KCNK9: variants seen among roughly 807,000 people sequenced by gnomAD.
KCNK9 encodes the protein potassium channel subfamily K member 9.
A neutral mutation model predicts 10.8 loss-of-function variants in KCNK9; 1 was observed. The ratio of observed to expected loss-of-function variants is 0.09; its 90% CI spans 0.03 to 0.44. KCNK9 has a LOEUF of 0.44. Among genes scored for constraint, KCNK9 ranks in the 20% least tolerant of loss-of-function variants. KCNK9 has a pLI of 0.97. For synonymous variants in KCNK9, 231 were observed against 222.7 expected (o/e 1.04, Z -0.33); for missense variants, 303 against 515.0 (o/e 0.59, Z 3.98).
intron 1 of KCNK9, among the ~76,000 whole-genome samples, chr8:139,637,759 C>CA: frequency 2.1e-5 from 1 of 47,822 alleles, no homozygotes; most frequent in East Asian, 4.3e-4. Flanking sequence ...TATTCCTACT[C>CA]TACACACACA....
intron 2 of KCNK9, among the ~76,000 whole-genome samples, chr8:139,606,526 G>T (rs960208666): frequency 2.6e-5 from 4 of 152,182 alleles, no homozygotes; most frequent in Non-Finnish European, 5.9e-5. Context: ...ATTTTGATGG[G>T]TGTGAGTTTG....
intron 1 of KCNK9, among the ~76,000 whole-genome samples, chr8:139,626,555 C>G (rs1398275539): frequency 6.6e-6 from 1 of 152,126 alleles, no homozygotes; most frequent in Admixed American, 6.5e-5. Flanking sequence ...CACCTCCCTC[C>G]CTGGGCCTCT....
intron 1 of KCNK9, among the ~76,000 whole-genome samples, chr8:139,697,998 G>A (rs73725179): frequency 0.01 from 1,526 of 152,276 alleles, 28 homozygotes; most frequent in African/African-American, 0.035. Flanking sequence ...ACCCCATGGC[G>A]CCCTAGTAGG....
chr8:139,618,740 G>C lies in KCNK9; in HGVS notation c.643C>G (p.Gln215Glu). 3 of 1,614,196 alleles carry C rather than the reference G, an allele frequency of 1.9e-6. No homozygotes were observed. The highest frequency in any genetic ancestry group is 2.5e-6 in the Non-Finnish European group (3 of 1,180,026). Reference sequence around the variant, plus strand: ...AAGGCCACGTAGAGCGGCTTCTTCTGCAGGGCACCCTTGGTCTGCAGGGCC... The same window carrying C: ...AAGGCCACGTAGAGCGGCTTCTTCTCCAGGGCACCCTTGGTCTGCAGGGCC... ...YVALQTKGAL[Q>E]KKPLYVAFSF... Residue 215 changes from glutamine to glutamate, a missense_variant, in exon 2 of 2, where the codon CAG (glutamine) becomes GAG (glutamate). Physicochemically the swap from Gln to Glu is conservative, Grantham distance 29. Coordinates refer to ENST00000520439, the MANE Select transcript of KCNK9 (RefSeq NM_001282534.2). The surrounding 1 kb of genome is among the most constrained non-coding windows in gnomAD (Gnocchi z 7.9).
Position 139,702,003 on chromosome 8 carries a change from G to C in KCNK9, c.283+707C>G, listed in dbSNP as rs1817230673. ...TCCCAGTGTCACAGCCTAGGGAGTG[G>C]GCAGGTTCTGCCCTGCCCCCACTCT... On this transcript the variant is annotated intron_variant, in intron 1 of 1. Coordinates refer to ENST00000520439, the MANE Select transcript of KCNK9 (RefSeq NM_001282534.2). This position sits in a 1 kb window ranked among gnomAD's most constrained non-coding sequence, Gnocchi z 7.5. Among the ~76,000 whole-genome samples, 2 of 152,234 alleles carry C rather than the reference G, an allele frequency of 1.3e-5. No homozygotes were observed. The highest frequency in any genetic ancestry group is 3.9e-4 in the East Asian group (2 of 5,162).
chr8:139,629,536 C>T (rs1815095216), intron 1 of KCNK9, among the ~76,000 whole-genome samples: 2 of 152,210 alleles, frequency 1.3e-5, no homozygotes, highest in African/African-American at 4.8e-5. Flanking sequence ...AGATGCAGTC[C>T]TGACGGGCAT....
intron 1 of KCNK9, among the ~76,000 whole-genome samples, chr8:139,686,049 T>C (rs1042624625): frequency 6.6e-6 from 1 of 152,246 alleles, no homozygotes; most frequent in Non-Finnish European, 1.5e-5. Context: ...ATGAGAAAAC[T>C]GGCTAGCCAT....
intron 1 of KCNK9, among the ~76,000 whole-genome samples, chr8:139,643,596 G>A (rs565331617): frequency 3.3e-5 from 5 of 152,292 alleles, no homozygotes; most frequent in South Asian, 4.1e-4. Flanking sequence ...CCATGATGCC[G>A]GCCCTCAGCA....
At chr8:139,666,518 A>G (rs1450859138) in intron 1 of KCNK9, among the ~76,000 whole-genome samples, 3 of 152,190 alleles carry the variant, frequency 2.0e-5, no homozygotes, top group Non-Finnish European at 2.9e-5. Context: ...GGCAAAGAGG[A>G]TCCATCAGTC....
At chr8:139,613,214 G>A (rs1460441418), downstream of KCNK9, among the ~76,000 whole-genome samples, 2 of 152,206 alleles carry the variant, frequency 1.3e-5, no homozygotes, top group African/African-American at 2.4e-5. Flanking sequence ...TGAGAGTTGG[G>A]GAGCAGGGTG....
At chr8:139,674,131 C>T (rs62520199) in intron 1 of KCNK9, among the ~76,000 whole-genome samples, 10,654 of 152,254 alleles carry the variant, frequency 0.07, 484 homozygotes, top group Admixed American at 0.12. Flanking sequence ...TATGTTGAAG[C>T]CCTAACCCCT....
chr8:139,662,944 T>C (rs1254758118), intron 1 of KCNK9, among the ~76,000 whole-genome samples: 1 of 151,742 alleles, frequency 6.6e-6, no homozygotes. Context: ...TGCGCCTTAG[T>C]GTGCAGGGGC....
intron 1 of KCNK9, among the ~76,000 whole-genome samples, chr8:139,628,716 C>T (rs1815060041): frequency 6.6e-6 from 1 of 152,128 alleles, no homozygotes; most frequent in Non-Finnish European, 1.5e-5. Flanking sequence ...TTTTGATTAC[C>T]CTTCATTTGA....
intron 1 of KCNK9, among the ~76,000 whole-genome samples, chr8:139,644,152 C>T (rs1341448998): frequency 1.3e-5 from 2 of 152,196 alleles, no homozygotes; most frequent in African/African-American, 2.4e-5. Context: ...ATTATTGTCC[C>T]CATCATCCCT....
chr8:139,673,631 G>A (rs1563745941), intron 1 of KCNK9, among the ~76,000 whole-genome samples: 1 of 152,258 alleles, frequency 6.6e-6, no homozygotes, highest in Non-Finnish European at 1.5e-5. Flanking sequence ...CCGGCAAACA[G>A]ACTGCAAAGA....
At chr8:139,604,431 GAA>G (rs1300369699) in intron 2 of KCNK9, among the ~76,000 whole-genome samples, 2 of 152,136 alleles carry the variant, frequency 1.3e-5, no homozygotes, top group African/African-American at 4.8e-5. Flanking sequence ...GAGGTGGGGT[GAA>G]AAGAGCTGCT....
chr8:139,601,714 A>G (rs2542426), intron 2 of KCNK9: 116,619 of 152,176 alleles, frequency 0.77, 45,479 homozygotes, highest in East Asian at 0.97. Flanking sequence ...AAACTGGAGT[A>G]GGCAATATTT....
At chr8:139,678,779 T>G (rs1374888177) in intron 1 of KCNK9, among the ~76,000 whole-genome samples, 1 of 152,216 alleles carries the variant, frequency 6.6e-6, no homozygotes, top group Non-Finnish European at 1.5e-5. Flanking sequence ...TGATGCCACG[T>G]GGGCTCCCAT....
At position 139,618,297 on chromosome 8, in the gene KCNK9, G is replaced by A. The variant is rs760537472; in HGVS notation, c.1086C>T (p.Thr362=). The A allele has an allele frequency of 5.6e-6, 9 of 1,614,038 alleles. No homozygotes were observed. Among genetic ancestry groups the A allele is most frequent in the Non-Finnish European group, 6.8e-6 (8 of 1,180,032 alleles). Residue 362 remains threonine, a synonymous_variant, in exon 2 of 2, where the codon ACC becomes ACT. Transcript: ENST00000520439. This position sits in a 1 kb window ranked among gnomAD's most constrained non-coding sequence, Gnocchi z 7.9. ...GGCGTTTCATCAGCCTCTGGTGGTCGGTAAAGCTGTGTAACCCAGGAGAGA... is the reference window on the plus strand; with the variant it reads ...GGCGTTTCATCAGCCTCTGGTGGTCAGTAAAGCTGTGTAACCCAGGAGAGA... ...SSISPGLHSF[T]DHQRLMKRRK...
Sources: gnomAD v4.1 joint callset for allele counts (sites outside exome capture counted in the v4.1 genomes callset) on GRCh38, gnomAD v4.1.1 for gene constraint, Gnocchi (gnomAD v3.1) non-coding constraint, MANE v1.5 for transcripts, NCBI Gene and HGNC (gene_info 2026-07-23, HGNC 2026-07-21) for gene names.